The following PPARGC1A variants were observed in gnomAD, a reference collection of about 807,000 sequenced individuals.
The protein encoded by PPARGC1A is peroxisome proliferator-activated receptor gamma coactivator 1-alpha.
In PPARGC1A, 25 loss-of-function variants were observed where a neutral mutation model predicts 88.7. That is an observed-to-expected ratio of 0.28 (90% CI 0.21 to 0.39). The LOEUF (loss-of-function observed/expected upper bound fraction) is 0.39. PPARGC1A is among the 10% of genes least tolerant of loss of function. The pLI is 1.00. For missense variants in PPARGC1A, 880 were observed against 968.7 expected (o/e 0.91, Z 1.22); for synonymous variants, 363 against 355.6 (o/e 1.02, Z -0.24).
the PPARGC1A span, among the ~76,000 whole-genome samples, chr4:24,227,233 C>T: frequency 2.6e-5 from 4 of 152,004 alleles, no homozygotes; most frequent in Non-Finnish European, 4.4e-5. Flanking sequence ...TACAGGCACA[C>T]GCCGCCATGC....
At chr4:24,187,757 C>T in the PPARGC1A span, among the ~76,000 whole-genome samples, 5 of 152,270 alleles carry the variant, frequency 3.3e-5, no homozygotes, top group South Asian at 1.0e-3. Context: ...ATATACAGAA[C>T]TATGTTCCCT....
chr4:23,969,854 C>A, the PPARGC1A span, among the ~76,000 whole-genome samples: 1 of 152,206 alleles, frequency 6.6e-6, no homozygotes. Flanking sequence ...CAGGAAGCAA[C>A]TTTTCCTACT....
At chr4:24,109,836 C>T in the PPARGC1A span, among the ~76,000 whole-genome samples, 3 of 152,222 alleles carry the variant, frequency 2.0e-5, no homozygotes, top group South Asian at 2.1e-4. Flanking sequence ...AAATGCGTTC[C>T]GTGGTCTACC....
chr4:23,882,630 T>A, intron 2 of PPARGC1A: 1 of 152,130 alleles, frequency 6.6e-6, no homozygotes, highest in East Asian at 1.9e-4. Flanking sequence ...TGGTTGAGAA[T>A]CATTGGTTTA....
the PPARGC1A span, among the ~76,000 whole-genome samples, chr4:24,123,910 CA>C: frequency 0.24 from 29,925 of 123,416 alleles, 3,170 homozygotes; most frequent in Non-Finnish European, 0.27. Flanking sequence ...TCTAAGTTGG[CA>C]AAAAAAAAAA....
chr4:24,107,555 T>C, the PPARGC1A span, among the ~76,000 whole-genome samples: 1 of 152,218 alleles, frequency 6.6e-6, no homozygotes, highest in African/African-American at 2.4e-5. Flanking sequence ...CAGCCTTATT[T>C]TTTCCCCAGC....
At chr4:24,069,170 C>T in the PPARGC1A span, among the ~76,000 whole-genome samples, 5 of 152,184 alleles carry the variant, frequency 3.3e-5, no homozygotes, top group Non-Finnish European at 5.9e-5. Context: ...GCTTCAGGGT[C>T]TTGCATATAG....
At chr4:24,179,441 G>A in the PPARGC1A span, among the ~76,000 whole-genome samples, 2 of 152,020 alleles carry the variant, frequency 1.3e-5, no homozygotes, top group African/African-American at 2.4e-5. Context: ...CAGTATTGTT[G>A]CCAGTTCTGC....
the PPARGC1A span, among the ~76,000 whole-genome samples, chr4:24,358,663 C>G: frequency 6.6e-6 from 1 of 152,224 alleles, no homozygotes; most frequent in Non-Finnish European, 1.5e-5. Flanking sequence ...TACATGGTCA[C>G]TAGCAATCCC....
chr4:24,337,909 C>A, the PPARGC1A span, among the ~76,000 whole-genome samples: 1 of 152,120 alleles, frequency 6.6e-6, no homozygotes, highest in Non-Finnish European at 1.5e-5. Context: ...AGAGGTGCAA[C>A]CCCTTCTCAA....
chr4:24,173,103 C>A, the PPARGC1A span, among the ~76,000 whole-genome samples: 1 of 152,072 alleles, frequency 6.6e-6, no homozygotes, highest in Non-Finnish European at 1.5e-5. Flanking sequence ...TTGTTACAGG[C>A]ATGTTACTGG....
At chr4:23,992,292 ATTAT>A in the PPARGC1A span, among the ~76,000 whole-genome samples, 1 of 145,282 alleles carries the variant, frequency 6.9e-6, no homozygotes, top group Admixed American at 6.8e-5. Flanking sequence ...CTATACTATT[ATTAT>A]CAGATAATAT....
the PPARGC1A span, among the ~76,000 whole-genome samples, chr4:24,229,337 C>T: frequency 4.0e-5 from 6 of 149,634 alleles, no homozygotes; most frequent in East Asian, 2.0e-4. Flanking sequence ...TTAATAGAGA[C>T]GGGGTTTCAC....
At chr4:24,188,018 T>C in the PPARGC1A span, among the ~76,000 whole-genome samples, 1 of 152,208 alleles carries the variant, frequency 6.6e-6, no homozygotes, top group Admixed American at 6.5e-5. Context: ...GGGAACAGCA[T>C]ATATCCAAAA....
the PPARGC1A span, among the ~76,000 whole-genome samples, chr4:24,397,400 T>G: frequency 6.6e-6 from 1 of 152,210 alleles, no homozygotes. Flanking sequence ...CCCCTTCCTC[T>G]TTAGGAATAA....
At chr4:23,832,591 T>C (rs1311231819) in intron 2 of PPARGC1A, among the ~76,000 whole-genome samples, 1 of 141,472 alleles carries the variant, frequency 7.1e-6, no homozygotes, top group Admixed American at 6.9e-5. Context: ...TGCACTATTA[T>C]TTCTTTTTCT....
At chr4:24,223,367 A>C in the PPARGC1A span, among the ~76,000 whole-genome samples, 1 of 150,802 alleles carries the variant, frequency 6.6e-6, no homozygotes. Context: ...CTCCTGCCTC[A>C]GTCTCCCGAG....
chr4:24,351,243 A>G, the PPARGC1A span, among the ~76,000 whole-genome samples: 1 of 151,982 alleles, frequency 6.6e-6, no homozygotes, highest in Admixed American at 6.6e-5. Context: ...AAAAAAAAAA[A>G]AAAGTTAACC....
chr4:23,856,890 T>C (rs978193891), intron 2 of PPARGC1A, among the ~76,000 whole-genome samples: 13 of 151,776 alleles, frequency 8.6e-5, no homozygotes, highest in Non-Finnish European at 2.9e-5. Flanking sequence ...AGCATGCTTG[T>C]GCAGTTTTGT....
Sources: gnomAD v4.1 joint callset for allele counts (sites outside exome capture counted in the v4.1 genomes callset) on GRCh38, gnomAD v4.1.1 for gene constraint, MANE v1.5 for transcripts, NCBI Gene and HGNC (gene_info 2026-07-23, HGNC 2026-07-21) for gene names.